The following C12orf42 variants were observed in gnomAD, a reference collection of about 807,000 sequenced individuals.
C12orf42 encodes the protein chromosome 12 open reading frame 42, also known as uncharacterized protein C12orf42.
C12orf42 carries 25 observed loss-of-function variants against 21.6 expected under a neutral mutation model. That is an observed-to-expected ratio of 1.16 (90% confidence interval 0.84 to 1.62). The LOEUF is 1.62. Among genes scored for constraint, C12orf42 ranks in the 40% most tolerant of loss-of-function variants. The probability of loss-of-function intolerance (pLI) is 0.00; values close to 1 mark genes in which losing one functional copy is unlikely to be tolerated. For synonymous variants in C12orf42, 174 were observed against 175.0 expected (o/e 0.99, Z 0.05); for missense variants, 483 against 459.3 (o/e 1.05, Z -0.47).
At chr12:103,327,275 C>T (rs2040802156) in intron 4 of C12orf42, among the ~76,000 whole-genome samples, 1 of 152,094 alleles carries the variant, frequency 6.6e-6, no homozygotes, top group African/African-American at 2.4e-5. Flanking sequence ...GGGTAAGAAG[C>T]CCCAAGCATG....
rs1593540538 is a variant in C12orf42 at position 103,347,600 on chromosome 12, G to C, written c.259+21287C>G. ...GAAAATTCATTATTCAAAGAACAGT[G>C]CCATCTACCAGCCATCATTCCCAGG... On this transcript the variant is annotated intron_variant, in intron 4 of 5. Transcript: ENST00000548883. Among the ~76,000 whole-genome samples the C allele has an allele frequency of 2.0e-5, 3 of 152,070 alleles. No homozygotes were observed. The East Asian group carries it at 5.8e-4, about 29-fold the overall frequency.
chr12:103,062,815 T>C, the C12orf42 span, among the ~76,000 whole-genome samples: 3 of 152,304 alleles, frequency 2.0e-5, no homozygotes, highest in Non-Finnish European at 2.9e-5. Context: ...ACATTTCTAA[T>C]AATTTTTTTA....
intron 2 of C12orf42, among the ~76,000 whole-genome samples, chr12:103,404,489 G>T (rs1182575095): frequency 1.3e-5 from 2 of 152,176 alleles, no homozygotes; most frequent in Non-Finnish European, 2.9e-5. Context: ...TATAATGAAG[G>T]TTGCTAAATG....
At chr12:103,277,302 A>G (rs935587461) in intron 4 of C12orf42, 2 of 325,936 alleles carry the variant, frequency 6.1e-6, no homozygotes, top group Non-Finnish European at 1.2e-5. Flanking sequence ...TATAACACAA[A>G]TAATACTATT....
intron 4 of C12orf42, among the ~76,000 whole-genome samples, chr12:103,286,939 C>CAA (rs34697864): frequency 0.15 from 19,564 of 134,052 alleles, 1,735 homozygotes; most frequent in African/African-American, 0.26. Flanking sequence ...GACTCCGTCT[C>CAA]AAAAAAAAAA....
intron 4 of C12orf42, among the ~76,000 whole-genome samples, chr12:103,355,739 G>C (rs2043488033): frequency 6.6e-6 from 1 of 152,016 alleles, no homozygotes; most frequent in Admixed American, 6.6e-5. Flanking sequence ...TAGAAAAACA[G>C]TTTTTGTCAA....
At chr12:103,141,599 G>A in the C12orf42 span, among the ~76,000 whole-genome samples, 11 of 148,306 alleles carry the variant, frequency 7.4e-5, no homozygotes, top group Non-Finnish European at 1.6e-4. Flanking sequence ...GCGGGATCTC[G>A]GCTCACTGCA....
At chr12:103,142,997 G>T in the C12orf42 span, among the ~76,000 whole-genome samples, 2 of 152,102 alleles carry the variant, frequency 1.3e-5, no homozygotes, top group African/African-American at 2.4e-5. Context: ...TCACACAAAG[G>T]GGGCAAGGTT....
the C12orf42 span, among the ~76,000 whole-genome samples, chr12:103,116,423 T>A: frequency 6.7e-6 from 1 of 149,164 alleles, no homozygotes; most frequent in Admixed American, 6.7e-5. Flanking sequence ...TATATATATA[T>A]AAATTTGGGA....
the C12orf42 span, among the ~76,000 whole-genome samples, chr12:103,520,367 C>T: frequency 6.6e-6 from 1 of 152,220 alleles, no homozygotes; most frequent in South Asian, 2.1e-4. Context: ...AATATACACT[C>T]CTCCCAGAAT....
At chr12:103,164,687 C>G in the C12orf42 span, 1 of 453,684 alleles carries the variant, frequency 2.2e-6, no homozygotes, top group African/African-American at 2.0e-5. Context: ...TTGTTTTCAT[C>G]CAGATTCAAA....
downstream of C12orf42, among the ~76,000 whole-genome samples, chr12:103,234,319 A>G (rs192222370): frequency 6.6e-6 from 1 of 152,290 alleles, no homozygotes; most frequent in African/African-American, 2.4e-5. Flanking sequence ...TAAGTGCATC[A>G]ATTTTATTCT....
the C12orf42 span, among the ~76,000 whole-genome samples, chr12:103,144,853 G>A: frequency 6.6e-6 from 1 of 152,142 alleles, no homozygotes; most frequent in South Asian, 2.1e-4. Flanking sequence ...GGCTTAGAAT[G>A]AGCAAAAACC....
the C12orf42 span, among the ~76,000 whole-genome samples, chr12:103,157,081 A>G: frequency 1.3e-5 from 2 of 152,192 alleles, no homozygotes; most frequent in African/African-American, 2.4e-5. Context: ...GCTAATTTAC[A>G]TTCCTACCAA....
intron 4 of C12orf42, among the ~76,000 whole-genome samples, chr12:103,321,199 G>A (rs2040061953): frequency 6.6e-6 from 1 of 151,322 alleles, no homozygotes; most frequent in South Asian, 2.1e-4. Context: ...CACAAAGTGG[G>A]CGAAGGACAT....
intron 4 of C12orf42, among the ~76,000 whole-genome samples, chr12:103,294,424 G>A (rs372705782): frequency 0.012 from 681 of 56,128 alleles, 2 homozygotes; most frequent in African/African-American, 0.036. Context: ...AGAGAAAGGA[G>A]AGAGAGAAAG....
At chr12:103,196,600 C>T in the C12orf42 span, among the ~76,000 whole-genome samples, 2 of 151,954 alleles carry the variant, frequency 1.3e-5, no homozygotes, top group Non-Finnish European at 2.9e-5. Context: ...AATCTAGGTG[C>T]TCTAGTGTTG....
the C12orf42 span, among the ~76,000 whole-genome samples, chr12:103,107,567 CAAGAT>C: frequency 6.6e-6 from 1 of 151,570 alleles, no homozygotes; most frequent in Admixed American, 6.6e-5. Context: ...AATCAAATGA[CAAGAT>C]AAGCACTACC....
chr12:103,422,381 C>A (rs1415585119), intron 2 of C12orf42, among the ~76,000 whole-genome samples: 1 of 152,124 alleles, frequency 6.6e-6, no homozygotes, highest in Non-Finnish European at 1.5e-5. Flanking sequence ...CCAATTCATT[C>A]TTTTTCACAA....
Sources: gnomAD v4.1 joint callset for allele counts (sites outside exome capture counted in the v4.1 genomes callset) on GRCh38, gnomAD v4.1.1 for gene constraint, MANE v1.5 for transcripts, NCBI Gene and HGNC (gene_info 2026-07-23, HGNC 2026-07-21) for gene names.